GRM8: variants seen among roughly 807,000 people sequenced by gnomAD.
GRM8 encodes the protein metabotropic glutamate receptor 8.
GRM8 carries 47 observed loss-of-function variants against 87.2 expected under a neutral mutation model. The observed-to-expected ratio is 0.54, with a 90% confidence interval of 0.43 to 0.69. The LOEUF is 0.69. Among genes scored for constraint, GRM8 ranks in the 30% least tolerant of loss-of-function variants. The probability of loss-of-function intolerance (pLI) is 0.00; values close to 1 mark genes in which losing one functional copy is unlikely to be tolerated. For synonymous variants in GRM8, 396 were observed against 404.5 expected (o/e 0.98, Z 0.25); for missense variants, 1,019 against 1,139.2 (o/e 0.89, Z 1.52).
chr7:126,681,401 C>T (rs138946369), intron 7 of GRM8, among the ~76,000 whole-genome samples: 4 of 152,192 alleles, frequency 2.6e-5, no homozygotes, highest in Non-Finnish European at 5.9e-5. Context: ...TGTTGGTGTG[C>T]GTGAGAGCTA....
chr7:126,495,638 C>T (rs767021788), intron 9 of GRM8, among the ~76,000 whole-genome samples: 2 of 151,916 alleles, frequency 1.3e-5, no homozygotes, highest in Non-Finnish European at 2.9e-5. Context: ...TATTATTTTT[C>T]ATCTGGTCCT....
chr7:127,208,868 T>C (rs558101102), intron 2 of GRM8, among the ~76,000 whole-genome samples: 49 of 152,318 alleles, frequency 3.2e-4, no homozygotes, highest in African/African-American at 1.1e-3. Context: ...TTTTCCAGTT[T>C]ATAAGCAGCC....
intron 2 of GRM8, among the ~76,000 whole-genome samples, chr7:127,201,967 G>A (rs1016809975): frequency 7.2e-5 from 11 of 152,174 alleles, no homozygotes; most frequent in Admixed American, 3.9e-4. Flanking sequence ...TGAACCATTG[G>A]AGAAAATGAA....
chr7:126,929,273 TA>T (rs1053395645), intron 3 of GRM8, among the ~76,000 whole-genome samples: 1 of 152,228 alleles, frequency 6.6e-6, no homozygotes, highest in African/African-American at 2.4e-5. Flanking sequence ...CTGCCTTTTG[TA>T]ATCTGTCTAG....
At chr7:127,184,659 A>G (rs1794644214) in intron 2 of GRM8, among the ~76,000 whole-genome samples, 1 of 152,012 alleles carries the variant, frequency 6.6e-6, no homozygotes, top group Non-Finnish European at 1.5e-5. Context: ...AGAAAAGGAA[A>G]TAAAAGGTAT....
intron 6 of GRM8, among the ~76,000 whole-genome samples, chr7:126,848,713 T>C (rs1157746537): frequency 1.3e-5 from 2 of 151,962 alleles, no homozygotes; most frequent in East Asian, 3.9e-4. Context: ...CCCAGCTATA[T>C]GGGAAGCTGA....
chr7:126,645,306 T>C (rs1802911137), intron 7 of GRM8, among the ~76,000 whole-genome samples: 1 of 152,208 alleles, frequency 6.6e-6, no homozygotes. Context: ...ATCATTATTG[T>C]AGAACCTAAG....
intron 6 of GRM8, among the ~76,000 whole-genome samples, chr7:126,783,835 TGACAGC>T (rs1820351170): frequency 6.6e-6 from 1 of 152,156 alleles, no homozygotes; most frequent in African/African-American, 2.4e-5. Flanking sequence ...AGTGCTCACA[TGACAGC>T]TCATTTCAAA....
At chr7:126,932,851 G>T (rs73228945) in intron 3 of GRM8, among the ~76,000 whole-genome samples, 2 of 152,110 alleles carry the variant, frequency 1.3e-5, no homozygotes, top group Non-Finnish European at 2.9e-5. Flanking sequence ...GATTGTGGAG[G>T]CAAGAAAGAG....
intron 7 of GRM8, among the ~76,000 whole-genome samples, chr7:126,719,813 AGCAGCAGCTG>A (rs1812169567): frequency 6.7e-6 from 1 of 150,074 alleles, no homozygotes; most frequent in African/African-American, 2.4e-5. Context: ...TTTTCTTTAA[AGCAGCAGCTG>A]TTAGTTTAAA....
chr7:126,622,787 T>C (rs917669812), intron 7 of GRM8, among the ~76,000 whole-genome samples: 3 of 152,200 alleles, frequency 2.0e-5, no homozygotes, highest in African/African-American at 7.2e-5. Flanking sequence ...GCTTCATTTT[T>C]CACTCCCTTC....
At chr7:126,913,597 A>G (rs561555106) in intron 3 of GRM8, among the ~76,000 whole-genome samples, 1 of 152,364 alleles carries the variant, frequency 6.6e-6, no homozygotes, top group African/African-American at 2.4e-5. Flanking sequence ...AGAAACACAT[A>G]AACTCTCTAC....
At position 127,065,990 on chromosome 7, in the gene GRM8, C is replaced by T. The variant is rs190542628; in HGVS notation, c.727+40506G>A. ...CGATTCTGAAACTTTTGCTGAAAAG[C>T]TTTGATGTATTAAAAAGAATAATTA... On this transcript the variant is annotated intron_variant, in intron 3 of 10. Transcript: ENST00000339582. Among the ~76,000 whole-genome samples the T allele has an allele frequency of 5.3e-5, 8 of 152,270 alleles. No individual in the cohort carries two copies. In the East Asian group the frequency reaches 1.3e-3, roughly 26 times the overall value.
chr7:126,517,380 C>T (rs1023338595), intron 9 of GRM8, among the ~76,000 whole-genome samples: 2 of 152,050 alleles, frequency 1.3e-5, no homozygotes, highest in Non-Finnish European at 2.9e-5. Flanking sequence ...CAAACCAATC[C>T]TGTGTGCTGA....
At chr7:126,545,815 A>G (rs771227878) in intron 8 of GRM8, among the ~76,000 whole-genome samples, 1 of 152,208 alleles carries the variant, frequency 6.6e-6, no homozygotes, top group Non-Finnish European at 1.5e-5. Context: ...AATTTTCAGA[A>G]TATTTCATTT....
intron 8 of GRM8, among the ~76,000 whole-genome samples, chr7:126,608,635 G>C (rs140782414): frequency 5.7e-4 from 86 of 152,098 alleles, no homozygotes; most frequent in African/African-American, 2.0e-3. Flanking sequence ...ATCACCCTTA[G>C]ATACATCAAC....
intron 7 of GRM8, among the ~76,000 whole-genome samples, chr7:126,767,089 C>T (rs1818276824): frequency 6.6e-6 from 1 of 152,052 alleles, no homozygotes; most frequent in Non-Finnish European, 1.5e-5. Flanking sequence ...CTTAACAGTT[C>T]TTGTTTTTTA....
intron 6 of GRM8, among the ~76,000 whole-genome samples, chr7:126,875,067 C>T (rs566725990): frequency 6.6e-6 from 1 of 152,092 alleles, no homozygotes; most frequent in Non-Finnish European, 1.5e-5. Context: ...AATATTGTCA[C>T]TATAAATCAG....
At chr7:126,602,698 G>A (rs1469233002) in intron 8 of GRM8, among the ~76,000 whole-genome samples, 1 of 151,390 alleles carries the variant, frequency 6.6e-6, no homozygotes, top group South Asian at 2.1e-4. Flanking sequence ...TGAAGCAATT[G>A]TGAATGGGAG....
Sources: allele counts gnomAD v4.1 joint callset (sites outside exome capture counted in the v4.1 genomes callset), GRCh38; gene constraint gnomAD v4.1.1; transcripts MANE v1.5; gene names NCBI Gene and HGNC (gene_info 2026-07-23, HGNC 2026-07-21).